The following UNC13C variants were observed in gnomAD, a reference collection of about 807,000 sequenced individuals.
The protein encoded by UNC13C is unc-13 homolog C, also known as protein unc-13 homolog C.
A neutral mutation model predicts 245.4 loss-of-function variants in UNC13C; 174 were observed. The observed-to-expected ratio is 0.71, with a 90% CI of 0.63 to 0.80. UNC13C has a LOEUF of 0.80. UNC13C is among the 30% of genes least tolerant of loss of function. The pLI, the probability that UNC13C is intolerant of heterozygous loss-of-function variation, is 0.00. For synonymous variants in UNC13C, 992 were observed against 895.1 expected (o/e 1.11, Z -1.93); for missense variants, 2,829 against 2,602.9 (o/e 1.09, Z -1.89).
chr15:54,162,782 T>G (rs1290355112), intron 4 of UNC13C, among the ~76,000 whole-genome samples: 1 of 152,152 alleles, frequency 6.6e-6, no homozygotes, highest in Non-Finnish European at 1.5e-5. Flanking sequence ...CAGAAATGTA[T>G]TTTTTTAAAA....
chr15:54,061,962 C>T (rs1352559925), intron 2 of UNC13C, among the ~76,000 whole-genome samples: 1 of 152,136 alleles, frequency 6.6e-6, no homozygotes, highest in Admixed American at 6.5e-5. Flanking sequence ...ATACCAAGAA[C>T]TTAAATTATT....
chr15:54,240,394 T>C (rs4144949), intron 7 of UNC13C, among the ~76,000 whole-genome samples: 91,360 of 152,118 alleles, frequency 0.6, 29,752 homozygotes, highest in African/African-American at 0.86. Flanking sequence ...TGAAAATCTT[T>C]CTAGGCACAC....
intron 19 of UNC13C, among the ~76,000 whole-genome samples, chr15:54,448,991 A>T (rs1890999588): frequency 6.6e-6 from 1 of 152,098 alleles, no homozygotes; most frequent in South Asian, 2.1e-4. Context: ...ATCCCTCAGC[A>T]TTTGCTTGTC....
chr15:54,176,386 G>T (rs1371448645), intron 4 of UNC13C, among the ~76,000 whole-genome samples: 1 of 152,090 alleles, frequency 6.6e-6, no homozygotes, highest in African/African-American at 2.4e-5. Context: ...TAGGTTGTCT[G>T]TTCTGTTCTG....
intron 2 of UNC13C, among the ~76,000 whole-genome samples, chr15:54,125,419 C>T (rs952154544): frequency 1.5e-4 from 23 of 152,022 alleles, no homozygotes; most frequent in African/African-American, 2.4e-4. Flanking sequence ...ACTGAGACTG[C>T]GCCACTGCAC....
rs550757614 is a variant in UNC13C at position 54,060,714 on chromosome 15, A to T, written c.2983+44828A>T. On this transcript the variant is annotated intron_variant, in intron 2 of 32. Transcript: ENST00000260323. ...TTCACAATAGCAAAGACTTGGAACC[A>T]ACCCAAATGTCCAACAGTGATAGAC... is the stretch of plus-strand genomic sequence containing the variant. 2.1e-3 allele frequency among the ~76,000 whole-genome samples: 316 copies of T among 152,278 alleles called. 2 individuals are homozygous for T. The highest frequency in any genetic ancestry group is 7.2e-3 in the African/African-American group (301 of 41,542).
rs1473027163 is a variant in UNC13C at position 54,411,817 on chromosome 15, T to C, written c.4848-3165T>C. Among the ~76,000 whole-genome samples the C allele has an allele frequency of 1.2e-4, 18 of 152,230 alleles. No homozygotes were observed. The East Asian group carries it at 3.5e-3, about 29-fold the overall frequency. Reference sequence around the variant, plus strand: ...TATGTCAATTTTAGAATCAGTTTGTTAATTTCCACAAGAAATTCTGCTAGA... The same window carrying C: ...TATGTCAATTTTAGAATCAGTTTGTCAATTTCCACAAGAAATTCTGCTAGA... On this transcript the variant is annotated intron_variant, in intron 18 of 32. Transcript: ENST00000260323.
chr15:53,932,932 C>T, the UNC13C span, among the ~76,000 whole-genome samples: 2 of 152,180 alleles, frequency 1.3e-5, no homozygotes, highest in Non-Finnish European at 2.9e-5. Flanking sequence ...ACCTTTGTCA[C>T]CAAACCTCCA....
the UNC13C span, among the ~76,000 whole-genome samples, chr15:53,917,906 C>T: frequency 6.6e-6 from 1 of 152,072 alleles, no homozygotes; most frequent in Non-Finnish European, 1.5e-5. Flanking sequence ...AGCACAGTCA[C>T]CTGTCTTAGC....
intron 10 of UNC13C, among the ~76,000 whole-genome samples, chr15:54,289,323 C>T (rs1483986074): frequency 1.3e-5 from 2 of 151,936 alleles, no homozygotes; most frequent in Non-Finnish European, 2.9e-5. Flanking sequence ...ATTTTATTTC[C>T]CACCATTCCC....
At chr15:54,416,728 G>A (rs74645957) in intron 19 of UNC13C, among the ~76,000 whole-genome samples, 4,611 of 152,162 alleles carry the variant, frequency 0.03, 187 homozygotes, top group Admixed American at 0.12. Context: ...AGTCTATCAG[G>A]CATCTGAAGA....
intron 19 of UNC13C, among the ~76,000 whole-genome samples, chr15:54,422,939 C>T (rs8024964): frequency 0.16 from 23,940 of 148,054 alleles, 1,918 homozygotes; most frequent in East Asian, 0.18. Flanking sequence ...AAAGAAAATA[C>T]ACTTCTACAG....
the UNC13C span, among the ~76,000 whole-genome samples, chr15:53,919,330 A>G: frequency 6.6e-6 from 1 of 152,212 alleles, no homozygotes; most frequent in East Asian, 1.9e-4. Flanking sequence ...TCAAAAACGA[A>G]CATCAGTTAT....
chr15:54,188,951 G>T (rs942673852), intron 4 of UNC13C, among the ~76,000 whole-genome samples: 1 of 152,068 alleles, frequency 6.6e-6, no homozygotes, highest in African/African-American at 2.4e-5. Flanking sequence ...GAAACAATGC[G>T]TATGCTTACA....
At chr15:54,179,057 C>A (rs987497060) in intron 4 of UNC13C, among the ~76,000 whole-genome samples, 1 of 152,028 alleles carries the variant, frequency 6.6e-6, no homozygotes, top group Non-Finnish European at 1.5e-5. Flanking sequence ...TTGGAACATG[C>A]CTGAATAACA....
chr15:53,969,049 A>G, the UNC13C span, among the ~76,000 whole-genome samples: 3 of 152,162 alleles, frequency 2.0e-5, no homozygotes, highest in East Asian at 1.9e-4. Flanking sequence ...CCTCTGTTTT[A>G]TAGGATAAAG....
intron 30 of UNC13C, among the ~76,000 whole-genome samples, chr15:54,579,925 C>G (rs1265158068): frequency 6.6e-6 from 1 of 152,052 alleles, no homozygotes; most frequent in Non-Finnish European, 1.5e-5. Context: ...TGTGTAATAC[C>G]TTTTTGTTAG....
chr15:54,478,471 C>T, intron 19 of UNC13C, among the ~76,000 whole-genome samples: 1 of 146,376 alleles, frequency 6.8e-6, no homozygotes, highest in African/African-American at 2.5e-5. Flanking sequence ...TCCCTCTACA[C>T]ACTACTTTGA....
intron 19 of UNC13C, among the ~76,000 whole-genome samples, chr15:54,462,766 C>T (rs1891922685): frequency 6.6e-6 from 1 of 152,230 alleles, no homozygotes; most frequent in Non-Finnish European, 1.5e-5. Context: ...CCCGAGGAGC[C>T]TCCCTGACGG....
Sources: allele counts gnomAD v4.1 joint callset (sites outside exome capture counted in the v4.1 genomes callset), GRCh38; gene constraint gnomAD v4.1.1; transcripts MANE v1.5; gene names NCBI Gene and HGNC (gene_info 2026-07-23, HGNC 2026-07-21).